The following ZNF503 variants were observed in gnomAD, a reference collection of about 807,000 sequenced individuals.
ZNF503 encodes NocA-like zinc finger 2.
Under a neutral mutation model 34.4 loss-of-function variants are expected in ZNF503, and 15 were observed. That is an observed-to-expected ratio of 0.44 (90% confidence interval 0.29 to 0.67). The LOEUF (loss-of-function observed/expected upper bound fraction) is 0.67, where lower values mean the gene tolerates loss of function less well. ZNF503 is among the 30% of genes least tolerant of loss of function. ZNF503 has a pLI of 0.13. For synonymous variants in ZNF503, 580 were observed against 456.8 expected, an observed-to-expected ratio of 1.27 and a Z score of -3.44; for missense variants, 1,007 against 926.8, an observed-to-expected ratio of 1.09 and a Z score of -1.12.
chr10:75,311,904 A>T, the ZNF503 span, among the ~76,000 whole-genome samples: 190 of 145,330 alleles, frequency 1.3e-3, 5 homozygotes, highest in East Asian at 0.03. Context: ...CACCCAGCTA[A>T]TTTTTTTTTT....
At chr10:75,392,762 G>C in the ZNF503 span, among the ~76,000 whole-genome samples, 1,273 of 152,254 alleles carry the variant, frequency 8.4e-3, 12 homozygotes, top group African/African-American at 0.027. Flanking sequence ...GAGCAAGAAG[G>C]CTGGTCAAAA....
the ZNF503 span, among the ~76,000 whole-genome samples, chr10:75,379,622 A>G: frequency 6.6e-6 from 1 of 152,218 alleles, no homozygotes; most frequent in African/African-American, 2.4e-5. Context: ...GATCCAGAAT[A>G]CATTAGGCGG....
chr10:75,364,219 G>T, the ZNF503 span, among the ~76,000 whole-genome samples: 1 of 152,096 alleles, frequency 6.6e-6, no homozygotes, highest in Non-Finnish European at 1.5e-5. Context: ...GGTAATAAAA[G>T]AAAGCTGTGG....
chr10:75,399,348 T>A lies in ZNF503; in HGVS notation c.1342A>T (p.Ser448Cys). The change falls in exon 2 of 2, where the codon AGC becomes TGC. Residue 448 changes from serine to cysteine, a missense_variant. By Grantham distance (112) the Ser-to-Cys change is moderately radical. Coordinates refer to ENST00000372524, the MANE Select transcript of ZNF503 (RefSeq NM_032772.6). Reference sequence around the variant, plus strand: ...GCCGGATCATGTGCGCAAGAAGCGCTGGCGGCCGCCGCCCCTGCCAGGTGG... The same window carrying A: ...GCCGGATCATGTGCGCAAGAAGCGCAGGCGGCCGCCGCCCCTGCCAGGTGG... Reference protein sequence around the residue: ...ASHLAGAAAASASCAHDPAAA... With the variant: ...ASHLAGAAAACASCAHDPAAA... The A allele has an allele frequency of 6.2e-7, 1 of 1,604,702 alleles. No individual in the cohort carries two copies. Among genetic ancestry groups the A allele is most frequent in the South Asian group, 1.1e-5 (1 of 90,484 alleles).
chr10:75,400,093 C>CCCGCCA lies in ZNF503; in HGVS notation c.591_596dup (p.Gly203_Gly204dup), dbSNP rs745636128. Reference sequence around the variant, plus strand: ...CCGACGAAACACCCCCGCCGCCGCCCCCGCCACCGCCACCGCCTCCACCGC... The same window carrying CCCGCCA: ...CCGACGAAACACCCCCGCCGCCGCCCCCGCCACCGCCACCGCCACCGCCTCCACCGC... On this transcript the variant is annotated inframe_insertion, in exon 2 of 2. Coordinates refer to ENST00000372524, the MANE Select transcript of ZNF503 (RefSeq NM_032772.6). 2.7e-4 allele frequency: 410 copies of CCCGCCA among 1,545,644 alleles called. 1 individual carries two copies. The highest frequency in any genetic ancestry group is 5.9e-4 in the Admixed American group (30 of 50,922).
chr10:75,321,534 A>G, the ZNF503 span, among the ~76,000 whole-genome samples: 1,909 of 152,308 alleles, frequency 0.013, 42 homozygotes, highest in African/African-American at 0.044. Context: ...TGTTAGTGCT[A>G]TAGACAATGA....
the ZNF503 span, among the ~76,000 whole-genome samples, chr10:75,320,038 C>A: frequency 6.6e-6 from 1 of 152,204 alleles, no homozygotes; most frequent in African/African-American, 2.4e-5. Flanking sequence ...ACAATCTCTT[C>A]CAGAAAAATA....
the ZNF503 span, among the ~76,000 whole-genome samples, chr10:75,321,265 C>T: frequency 6.6e-6 from 1 of 152,168 alleles, no homozygotes; most frequent in South Asian, 2.1e-4. Context: ...GCCTGCAGAA[C>T]CATGAATCAG....
the ZNF503 span, among the ~76,000 whole-genome samples, chr10:75,384,019 CAGG>C: frequency 6.6e-6 from 1 of 152,202 alleles, no homozygotes; most frequent in Non-Finnish European, 1.5e-5. Context: ...TCAGAGGCTC[CAGG>C]AGGAGGTGCT....
the ZNF503 span, among the ~76,000 whole-genome samples, chr10:75,368,209 G>A: frequency 6.6e-6 from 1 of 152,118 alleles, no homozygotes; most frequent in Admixed American, 6.5e-5. Flanking sequence ...ACAATACAGG[G>A]GAGAAGCAGG....
At chr10:75,364,230 G>C in the ZNF503 span, among the ~76,000 whole-genome samples, 1 of 152,290 alleles carries the variant, frequency 6.6e-6, no homozygotes, top group Admixed American at 6.5e-5. Flanking sequence ...AAAGCTGTGG[G>C]TCTGATGGAC....
chr10:75,303,540 T>C, the ZNF503 span, among the ~76,000 whole-genome samples: 2 of 152,244 alleles, frequency 1.3e-5, no homozygotes, highest in African/African-American at 2.4e-5. Flanking sequence ...CTTGCCTCAC[T>C]CTTGCCCTGT....
At chr10:75,384,140 G>A in the ZNF503 span, among the ~76,000 whole-genome samples, 2 of 152,124 alleles carry the variant, frequency 1.3e-5, no homozygotes, top group Admixed American at 1.3e-4. Flanking sequence ...GGAGGTGTGG[G>A]GCAGGGGATG....
the ZNF503 span, among the ~76,000 whole-genome samples, chr10:75,368,194 C>T: frequency 2.6e-5 from 4 of 152,294 alleles, no homozygotes; most frequent in South Asian, 2.1e-4. Flanking sequence ...AACCTCTCTG[C>T]ATCAACAATA....
At chr10:75,298,933 CTT>C in the ZNF503 span, 26 of 135,132 alleles carry the variant, frequency 1.9e-4, no homozygotes, top group African/African-American at 1.6e-4. Flanking sequence ...GTATGTTTAA[CTT>C]TTTTTTTTTT....
At chr10:75,327,567 G>A in the ZNF503 span, among the ~76,000 whole-genome samples, 1 of 152,132 alleles carries the variant, frequency 6.6e-6, no homozygotes, top group African/African-American at 2.4e-5. Context: ...ACATGGGAGT[G>A]CAGATAATCT....
the ZNF503 span, among the ~76,000 whole-genome samples, chr10:75,331,154 TC>T: frequency 3.3e-5 from 5 of 152,264 alleles, no homozygotes; most frequent in Non-Finnish European, 7.3e-5. Context: ...TTCATTGTGG[TC>T]AGAAAAGACA....
the ZNF503 span, among the ~76,000 whole-genome samples, chr10:75,336,228 A>G: frequency 7.2e-5 from 11 of 152,222 alleles, no homozygotes; most frequent in Admixed American, 2.6e-4. Flanking sequence ...AGCATCTCCA[A>G]TGCAAACTGT....
chr10:75,392,035 T>C, the ZNF503 span, among the ~76,000 whole-genome samples: 9 of 152,282 alleles, frequency 5.9e-5, no homozygotes, highest in East Asian at 1.7e-3. Flanking sequence ...AGATCTAAAG[T>C]AGAACTTTTG....
Sources: gnomAD v4.1 joint callset for allele counts (sites outside exome capture counted in the v4.1 genomes callset) on GRCh38, gnomAD v4.1.1 for gene constraint, MANE v1.5 for transcripts, NCBI Gene and HGNC (gene_info 2026-07-23, HGNC 2026-07-21) for gene names.